RAB3GAP1: variants seen among roughly 807,000 people sequenced by gnomAD.
RAB3GAP1 encodes RAB3 GTPase activating protein catalytic subunit 1.
A neutral mutation model predicts 130.7 loss-of-function variants in RAB3GAP1; 86 were observed. That is an observed-to-expected ratio of 0.66 (90% CI 0.55 to 0.79). The LOEUF is 0.79. Among genes scored for constraint, RAB3GAP1 ranks in the 30% least tolerant of loss-of-function variants. RAB3GAP1 has a pLI of 0.00. For missense variants in RAB3GAP1, 1,029 were observed against 1,169.4 expected, an observed-to-expected ratio of 0.88 and a Z score of 1.75; for synonymous variants, 367 against 401.7, an observed-to-expected ratio of 0.91 and a Z score of 1.03.
chr2:135,117,549 TCTTCTTCTG>T (rs1691029470), intron 7 of RAB3GAP1, among the ~76,000 whole-genome samples: 3 of 83,584 alleles, frequency 3.6e-5, no homozygotes, highest in Admixed American at 2.8e-4. Context: ...TTCTGCTTCT[TCTTCTTCTG>T]CTTCTTCTTC....
intron 3 of RAB3GAP1, among the ~76,000 whole-genome samples, chr2:135,081,361 T>TATACAC (rs1216831944): frequency 2.0e-4 from 14 of 71,252 alleles, no homozygotes; most frequent in Admixed American, 1.3e-3. Flanking sequence ...TATATATATA[T>TATACAC]ACACACACGT....
At chr2:135,164,139 CCAACA>C (rs1692554571) in intron 22 of RAB3GAP1, among the ~76,000 whole-genome samples, 1 of 152,044 alleles carries the variant, frequency 6.6e-6, no homozygotes. Context: ...GCGACTTTGC[CCAACA>C]CAAGTATTTT....
intron 2 of RAB3GAP1, among the ~76,000 whole-genome samples, chr2:135,053,134 G>A (rs1688925720): frequency 1.3e-5 from 2 of 152,210 alleles, no homozygotes; most frequent in African/African-American, 4.8e-5. Context: ...TGGGACCACA[G>A]GCACGCGCTA....
intron 17 of RAB3GAP1, among the ~76,000 whole-genome samples, chr2:135,142,447 A>G (rs1691869543): frequency 6.6e-6 from 1 of 152,184 alleles, no homozygotes; most frequent in Non-Finnish European, 1.5e-5. Flanking sequence ...TTCTACATAC[A>G]CAATCATGTC....
At chr2:135,091,173 G>A in intron 4 of RAB3GAP1, 43 bp downstream of exon 4, 2 of 1,500,192 alleles carry the variant, frequency 1.3e-6, no homozygotes, top group East Asian at 2.3e-5. Context: ...TGATTTGTAG[G>A]AGTGGCTGTA....
intron 3 of RAB3GAP1, among the ~76,000 whole-genome samples, chr2:135,081,078 C>T (rs185566968): frequency 6.7e-4 from 102 of 151,804 alleles, no homozygotes; most frequent in African/African-American, 2.3e-3. Context: ...ATGAAGCAAA[C>T]GTTCATTAGT....
chr2:135,059,354 TTC>T (rs1689104613), intron 3 of RAB3GAP1, among the ~76,000 whole-genome samples: 2 of 152,116 alleles, frequency 1.3e-5, no homozygotes, highest in Admixed American at 6.5e-5. Context: ...AGCTCTGATA[TTC>T]TTTCATTCTT....
At chr2:135,072,313 A>G (rs192262326) in intron 3 of RAB3GAP1, among the ~76,000 whole-genome samples, 39 of 152,338 alleles carry the variant, frequency 2.6e-4, no homozygotes, top group Middle Eastern at 3.4e-3. Flanking sequence ...TAAAAGTAGC[A>G]GGCATCATTG....
chr2:135,162,883 A>G (rs1291141410), intron 21 of RAB3GAP1, 32 bp downstream of exon 21: 2 of 1,591,770 alleles, frequency 1.3e-6, no homozygotes, highest in Admixed American at 3.3e-5. Flanking sequence ...AATCTTGCCA[A>G]GTGTTCTCCT....
At chr2:135,094,762 GT>G (rs1046757469) in intron 5 of RAB3GAP1, among the ~76,000 whole-genome samples, 1 of 151,966 alleles carries the variant, frequency 6.6e-6, no homozygotes, top group Non-Finnish European at 1.5e-5. Context: ...CAGTTTGTTT[GT>G]TTTTTTAGCT....
At chr2:135,166,089 T>G (rs1226339381) in intron 23 of RAB3GAP1, among the ~76,000 whole-genome samples, 1 of 151,922 alleles carries the variant, frequency 6.6e-6, no homozygotes, top group African/African-American at 2.4e-5. Flanking sequence ...GGAGAATCAC[T>G]TGAACCCGAG....
intron 3 of RAB3GAP1, chr2:135,058,880 A>G (rs1689092579): frequency 6.6e-6 from 1 of 152,180 alleles, no homozygotes; most frequent in Non-Finnish European, 1.5e-5. Context: ...GTGATAACTT[A>G]TTAACTCAGT....
intron 23 of RAB3GAP1, chr2:135,167,832 G>A (rs1692702065): frequency 1.3e-6 from 1 of 757,192 alleles, no homozygotes; most frequent in East Asian, 3.1e-5. Context: ...CTACCTTGCT[G>A]ATGTTTAGCG....
chr2:135,064,434 T>G (rs1689260520), intron 3 of RAB3GAP1, among the ~76,000 whole-genome samples: 1 of 152,164 alleles, frequency 6.6e-6, no homozygotes, highest in Admixed American at 6.5e-5. Flanking sequence ...GAGTTCATTT[T>G]TTCTTTCTTC....
chr2:135,160,086 T>A (rs1573609492), intron 19 of RAB3GAP1, among the ~76,000 whole-genome samples: 1 of 152,302 alleles, frequency 6.6e-6, no homozygotes, highest in Non-Finnish European at 1.5e-5. Flanking sequence ...GATGGTAACA[T>A]AACCTTGCAA....
intron 5 of RAB3GAP1, among the ~76,000 whole-genome samples, chr2:135,108,610 T>C (rs567249493): frequency 1.3e-5 from 2 of 152,180 alleles, no homozygotes; most frequent in South Asian, 4.1e-4. Context: ...GAAATGTCTT[T>C]TGCAAATATT....
In RAB3GAP1 at chr2:135,161,558, A is replaced by C. The variant is rs559859408; in HGVS notation, c.2290-997A>C. ...TTAATTCTGGGGATGGAGGGTACAC[A>C]GGAGGACTTGGAAAAGCCTGGTAAC... is the stretch of plus-strand genomic sequence containing the variant. On this transcript the variant is annotated intron_variant, in intron 19 of 23. Transcript: ENST00000264158. Among the ~76,000 whole-genome samples, 3 of 152,290 alleles carry C rather than the reference A, an allele frequency of 2.0e-5. No homozygotes were observed. The East Asian group carries it at 5.8e-4, about 29-fold the overall frequency.
intron 7 of RAB3GAP1, among the ~76,000 whole-genome samples, chr2:135,117,937 C>T (rs1574127670): frequency 6.6e-6 from 1 of 151,952 alleles, no homozygotes; most frequent in Admixed American, 6.6e-5. Flanking sequence ...ACTGCAGCCT[C>T]GACCTCCTGG....
At chr2:135,148,230 C>T (rs944280034) in intron 17 of RAB3GAP1, among the ~76,000 whole-genome samples, 1 of 152,096 alleles carries the variant, frequency 6.6e-6, no homozygotes, top group Admixed American at 6.6e-5. Flanking sequence ...AAAATGATCC[C>T]AGTTGAAACC....
Sources: allele counts gnomAD v4.1 joint callset (sites outside exome capture counted in the v4.1 genomes callset), GRCh38; gene constraint gnomAD v4.1.1; transcripts MANE v1.5; gene names NCBI Gene and HGNC (gene_info 2026-07-23, HGNC 2026-07-21).